Variants in SLC44A5 observed in about 807,000 individuals in gnomAD.
SLC44A5 encodes solute carrier family 44 member 5, also known as choline transporter-like protein 5.
A neutral mutation model predicts 101.8 loss-of-function variants in SLC44A5; 57 were observed. That is an observed-to-expected ratio of 0.56 (90% CI 0.45 to 0.70). The LOEUF (loss-of-function observed/expected upper bound fraction) is 0.70, where lower values mean the gene tolerates loss of function less well. SLC44A5 is among the 30% of genes least tolerant of loss of function. The pLI is 0.00. For synonymous variants in SLC44A5, 281 were observed against 290.9 expected (o/e 0.97, Z 0.35); for missense variants, 737 against 853.1 (o/e 0.86, Z 1.70).
chr1:75,331,168 G>A (rs937241947), intron 4 of SLC44A5, among the ~76,000 whole-genome samples: 1 of 151,954 alleles, frequency 6.6e-6, no homozygotes, highest in African/African-American at 2.4e-5. Flanking sequence ...AGTCTTATCT[G>A]TAGGCAGACA....
intron 2 of SLC44A5, among the ~76,000 whole-genome samples, chr1:75,511,060 G>A (rs1357470811): frequency 6.6e-6 from 1 of 152,054 alleles, no homozygotes; most frequent in Non-Finnish European, 1.5e-5. Context: ...GGAGAATGAC[G>A]TGAACCTGGG....
intron 1 of SLC44A5, among the ~76,000 whole-genome samples, chr1:75,609,544 C>A (rs1483206939): frequency 6.6e-6 from 1 of 151,898 alleles, no homozygotes; most frequent in African/African-American, 2.4e-5. Context: ...CTTTTGTATT[C>A]TCTTTATCAC....
At chr1:75,426,478 A>C (rs1489430912) in intron 2 of SLC44A5, among the ~76,000 whole-genome samples, 1 of 152,242 alleles carries the variant, frequency 6.6e-6, no homozygotes, top group Non-Finnish European at 1.5e-5. Context: ...GAAAGAAAGC[A>C]ACACAATAGA....
At chr1:75,540,599 T>C (rs1465478074) in intron 2 of SLC44A5, among the ~76,000 whole-genome samples, 2 of 152,236 alleles carry the variant, frequency 1.3e-5, no homozygotes, top group African/African-American at 2.4e-5. Context: ...TTATTTTTAA[T>C]AACTCTTAAT....
At chr1:75,633,394 A>C in the SLC44A5 span, among the ~76,000 whole-genome samples, 27 of 152,006 alleles carry the variant, frequency 1.8e-4, no homozygotes, top group African/African-American at 4.8e-4. Flanking sequence ...CTTTTATTTC[A>C]TTGAGCAGTG....
intron 1 of SLC44A5, among the ~76,000 whole-genome samples, chr1:75,564,595 T>TTTTAAAG (rs1557912383): frequency 1.8e-4 from 3 of 16,940 alleles, no homozygotes; most frequent in African/African-American, 5.9e-4. Flanking sequence ...ATTTACTTTT[T>TTTTAAAG]TTTTAATTTT....
At chr1:75,394,834 G>A (rs1171448601) in intron 3 of SLC44A5, among the ~76,000 whole-genome samples, 2 of 152,034 alleles carry the variant, frequency 1.3e-5, no homozygotes, top group Non-Finnish European at 1.5e-5. Context: ...TCCAAGGCCT[G>A]TTTATCCACT....
chr1:75,281,451 A>C (rs1025285737), intron 5 of SLC44A5, among the ~76,000 whole-genome samples: 5 of 152,048 alleles, frequency 3.3e-5, no homozygotes, highest in African/African-American at 9.7e-5. Context: ...AGAAAAGAAA[A>C]ACCCATTTTC....
intron 2 of SLC44A5, among the ~76,000 whole-genome samples, chr1:75,501,625 C>T (rs1453833192): frequency 6.6e-6 from 1 of 152,062 alleles, no homozygotes; most frequent in Non-Finnish European, 1.5e-5. Flanking sequence ...TCAAGTAAAC[C>T]TTGCAGTCAT....
chr1:75,720,469 T>C, the SLC44A5 span: 59 of 152,330 alleles, frequency 3.9e-4, 1 homozygote, highest in African/African-American at 1.3e-3. Context: ...TCTTGAGAGA[T>C]GGTTCTATTC....
At chr1:75,354,986 T>A (rs1658961056) in intron 3 of SLC44A5, among the ~76,000 whole-genome samples, 1 of 152,222 alleles carries the variant, frequency 6.6e-6, no homozygotes, top group African/African-American at 2.4e-5. Flanking sequence ...TACTTCATTA[T>A]GTCATAATGT....
At chr1:75,430,701 A>G (rs1456901340) in intron 2 of SLC44A5, among the ~76,000 whole-genome samples, 1 of 152,212 alleles carries the variant, frequency 6.6e-6, no homozygotes, top group Admixed American at 6.5e-5. Context: ...ATCTGACTCA[A>G]TAGGTTGGAA....
intron 3 of SLC44A5, among the ~76,000 whole-genome samples, chr1:75,363,848 A>C (rs1220178745): frequency 6.6e-6 from 1 of 152,182 alleles, no homozygotes. Flanking sequence ...ATTCCTATTA[A>C]GAAGGCTTAG....
At chr1:75,634,544 G>C in the SLC44A5 span, among the ~76,000 whole-genome samples, 6 of 151,208 alleles carry the variant, frequency 4.0e-5, no homozygotes, top group Admixed American at 2.0e-4. Flanking sequence ...ACAAACCTGA[G>C]AAAAACAAGC....
intron 1 of SLC44A5, among the ~76,000 whole-genome samples, chr1:75,575,688 C>T (rs1297226033): frequency 6.6e-6 from 1 of 152,104 alleles, no homozygotes; most frequent in Non-Finnish European, 1.5e-5. Flanking sequence ...ATTGTAATAA[C>T]TTGTTTTGCT....
chr1:75,408,839 C>T (rs1442575136), intron 2 of SLC44A5, among the ~76,000 whole-genome samples: 1 of 151,946 alleles, frequency 6.6e-6, no homozygotes, highest in Non-Finnish European at 1.5e-5. Context: ...CACATGTATC[C>T]CAGAACTTAA....
rs899258285 is a variant in SLC44A5 at position 75,610,276 on chromosome 1, G to A, written c.-70+764C>T. On this transcript the variant is annotated intron_variant, in intron 1 of 23. Coordinates refer to ENST00000370859, the MANE Select transcript of SLC44A5 (RefSeq NM_001130058.2). ...CCTATATACACATAGATATCCTGGAGAATTATTTAGAGAGAGCAATATTTC... is the reference window on the plus strand; with the variant it reads ...CCTATATACACATAGATATCCTGGAAAATTATTTAGAGAGAGCAATATTTC... 5.3e-5 allele frequency among the ~76,000 whole-genome samples: 8 copies of A among 151,910 alleles called. No homozygotes were observed. In the East Asian group the frequency reaches 1.5e-3, roughly 29 times the overall value.
intron 2 of SLC44A5, among the ~76,000 whole-genome samples, chr1:75,495,960 C>T (rs1668650064): frequency 1.3e-5 from 2 of 152,048 alleles, no homozygotes; most frequent in Non-Finnish European, 2.9e-5. Context: ...AATCAAATTA[C>T]ACTCTTTTAG....
intron 3 of SLC44A5, among the ~76,000 whole-genome samples, chr1:75,383,243 C>T (rs1261379454): frequency 1.6e-5 from 2 of 122,646 alleles, no homozygotes; most frequent in Non-Finnish European, 3.4e-5. Context: ...TCTTGTGACC[C>T]TGACACATCC....
Sources: gnomAD v4.1 joint callset for allele counts (sites outside exome capture counted in the v4.1 genomes callset) on GRCh38, gnomAD v4.1.1 for gene constraint, MANE v1.5 for transcripts, NCBI Gene and HGNC (gene_info 2026-07-23, HGNC 2026-07-21) for gene names.